Variants in TRIM14 observed in about 807,000 individuals in gnomAD.
TRIM14 encodes tripartite motif containing 14, also known as tripartite motif-containing protein 14.
TRIM14 carries 28 observed loss-of-function variants against 44.5 expected under a neutral mutation model. The observed-to-expected ratio is 0.63, with a 90% CI of 0.47 to 0.86. The LOEUF (loss-of-function observed/expected upper bound fraction) is 0.86, where lower values mean the gene tolerates loss of function less well. Among genes scored for constraint, TRIM14 ranks in the 40% least tolerant of loss-of-function variants. The pLI is 0.00. For missense variants in TRIM14, 607 were observed against 611.1 expected (o/e 0.99, Z 0.07); for synonymous variants, 299 against 269.2 (o/e 1.11, Z -1.08).
intron 6 of TRIM14, among the ~76,000 whole-genome samples, chr9:98,073,410 G>A (rs984251552): frequency 1.4e-5 from 2 of 147,646 alleles, no homozygotes; most frequent in Admixed American, 6.9e-5. Context: ...TTAGCCTCCC[G>A]AGTAGCTGGG....
chr9:98,076,341 AG>A (rs768825164), intron 6 of TRIM14: 1 of 152,050 alleles, frequency 6.6e-6, no homozygotes, highest in Non-Finnish European at 1.5e-5. Context: ...CCCCTGGGGC[AG>A]GTAGGGTCTG....
chr9:98,105,347 A>G (rs1168052613), intron 2 of TRIM14, among the ~76,000 whole-genome samples: 1 of 152,150 alleles, frequency 6.6e-6, no homozygotes, highest in African/African-American at 2.4e-5. Flanking sequence ...CGCCGACTGC[A>G]TTTTCAGGAT....
At chr9:98,092,452 C>T (rs979284009) in intron 4 of TRIM14, 1 of 364,456 alleles carries the variant, frequency 2.7e-6, no homozygotes, top group Non-Finnish European at 5.5e-6. Context: ...CCCCCTTGCC[C>T]AGGTTGCCTC....
chr9:98,111,783 A>G (rs1161205688), intron 1 of TRIM14, among the ~76,000 whole-genome samples: 1 of 152,028 alleles, frequency 6.6e-6, no homozygotes, highest in Non-Finnish European at 1.5e-5. Context: ...TACTACAAAT[A>G]CAAAATTAGC....
intron 1 of TRIM14, among the ~76,000 whole-genome samples, chr9:98,115,559 T>C (rs1237425642): frequency 6.6e-6 from 1 of 152,080 alleles, no homozygotes; most frequent in Non-Finnish European, 1.5e-5. Flanking sequence ...AATTTTTGTA[T>C]TTTTAGTAAA....
At position 98,075,548 on chromosome 9, in the gene TRIM14, CAG is replaced by C. The variant is rs550780086; in HGVS notation, c.*29-5863_*29-5862del. On this transcript the variant is annotated intron_variant, in intron 6 of 6. Transcript: ENST00000375098. ...GTCGGTCCGTCGGTCCTAGACCAAT[CAG>C]AGTTTGCATTTCATTTCAGCAACTT... The C allele has an allele frequency of 1.6e-3, 244 of 152,208 alleles. 2 individuals are homozygous for C. The highest frequency in any genetic ancestry group is 5.6e-3 in the African/African-American group (234 of 41,534). 9.4% of individuals were successfully genotyped at this position (152,208 alleles called of 1,614,324 possible).
chr9:98,106,305 T>A (rs3780468), intron 2 of TRIM14, among the ~76,000 whole-genome samples: 38,971 of 152,208 alleles, frequency 0.26, 5,381 homozygotes, highest in Admixed American at 0.35. Flanking sequence ...GAATAATGGT[T>A]GGCCTGAAGT....
At chr9:98,073,717 C>T (rs570190658) in intron 6 of TRIM14, among the ~76,000 whole-genome samples, 48 of 152,256 alleles carry the variant, frequency 3.2e-4, no homozygotes, top group African/African-American at 1.1e-3. Flanking sequence ...CAGAGTGTCC[C>T]ACAGGACACA....
chr9:98,113,561 C>T (rs1826939800), intron 1 of TRIM14, among the ~76,000 whole-genome samples: 1 of 152,122 alleles, frequency 6.6e-6, no homozygotes, highest in African/African-American at 2.4e-5. Flanking sequence ...CACCATGTTG[C>T]TCAGGCTGGT....
chr9:98,092,125 G>T, intron 4 of TRIM14, 124 bp from the exon 5 acceptor site: 1 of 648,720 alleles, frequency 1.5e-6, no homozygotes. Context: ...AGATTTAAGG[G>T]ATTTATGTGA....
downstream of TRIM14, among the ~76,000 whole-genome samples, chr9:98,065,483 A>ATTTTTTTTTT (rs397837187): frequency 3.6e-3 from 212 of 58,628 alleles, 7 homozygotes; most frequent in Admixed American, 7.4e-3. Flanking sequence ...TGCCCAGCTA[A>ATTTTTTTTTT]TTTTTTTTTT....
At chr9:98,052,031 T>A in the TRIM14 span, among the ~76,000 whole-genome samples, 8 of 152,156 alleles carry the variant, frequency 5.3e-5, no homozygotes, top group Non-Finnish European at 8.8e-5. Flanking sequence ...CGCTACCTGG[T>A]TATTACACAC....
intron 2 of TRIM14, among the ~76,000 whole-genome samples, chr9:98,102,958 G>T (rs906635176): frequency 3.9e-5 from 6 of 152,114 alleles, no homozygotes; most frequent in African/African-American, 1.4e-4. Context: ...AGGCTGAGGC[G>T]GGCAGATCAT....
chr9:98,046,985 GAC>G, the TRIM14 span, among the ~76,000 whole-genome samples: 1 of 152,114 alleles, frequency 6.6e-6, no homozygotes. Flanking sequence ...ACCAAAAAGT[GAC>G]CACTTGAACT....
chr9:98,087,664 G>C lies in TRIM14; in HGVS notation c.1135C>G (p.Arg379Gly). ...LEYWAFHDGQ[R>G]SRLRPRDDLD... is the part of the protein sequence containing the mutation. ...TCGTCGCGGGGCCGCAGGCGGCTGC[G>C]CTGGCCGTCGTGGAAGGCCCAGTAC... The change falls in exon 6 of 6, where the codon CGC becomes GGC. Residue 379 changes from arginine to glycine, a missense_variant. Arg to Gly is a moderately radical substitution (Grantham distance 125). Around this residue, in one of 3 missense-constraint regions of TRIM14, gnomAD observed 356 missense variants for 323.0 expected, o/e 1.10. Coordinates refer to ENST00000341469, the MANE Select transcript of TRIM14 (RefSeq NM_014788.4). 1 of 1,603,026 alleles carries C rather than the reference G, an allele frequency of 6.2e-7. No homozygotes were observed. The highest frequency in any genetic ancestry group is 8.5e-7 in the Non-Finnish European group (1 of 1,178,574).
At chr9:98,058,092 T>G in the TRIM14 span, among the ~76,000 whole-genome samples, 1 of 151,702 alleles carries the variant, frequency 6.6e-6, no homozygotes, top group Non-Finnish European at 1.5e-5. Flanking sequence ...CTGGGCTAAT[T>G]TTTTTGTAGA....
At chr9:98,097,101 G>A (rs1049458740) in intron 3 of TRIM14, among the ~76,000 whole-genome samples, 2 of 152,306 alleles carry the variant, frequency 1.3e-5, no homozygotes, top group Non-Finnish European at 1.5e-5. Flanking sequence ...GGCTGAGGCA[G>A]GAGAATCCCT....
chr9:98,048,713 G>A, the TRIM14 span, among the ~76,000 whole-genome samples: 1 of 152,094 alleles, frequency 6.6e-6, no homozygotes, highest in Non-Finnish European at 1.5e-5. Flanking sequence ...TTTGGCTTTT[G>A]AAAATCGTTC....
the TRIM14 span, among the ~76,000 whole-genome samples, chr9:98,057,978 A>AG: frequency 8.6e-6 from 1 of 116,662 alleles, no homozygotes; most frequent in Admixed American, 1.3e-4. Flanking sequence ...GCTGGAGTGC[A>AG]GTGGCATGAT....
Sources: gnomAD v4.1 joint callset for allele counts (sites outside exome capture counted in the v4.1 genomes callset) on GRCh38, gnomAD v4.1.1 for gene constraint, gnomAD v4.1.1 regional missense constraint, MANE v1.5 for transcripts, NCBI Gene and HGNC (gene_info 2026-07-23, HGNC 2026-07-21) for gene names.